Variants in NEK11 observed in about 807,000 individuals in gnomAD.
The protein encoded by NEK11 is NIMA related kinase 11.
A neutral mutation model predicts 80.7 loss-of-function variants in NEK11; 72 were observed. The ratio of observed to expected loss-of-function variants is 0.89; its 90% CI spans 0.74 to 1.08. NEK11 has a LOEUF of 1.08. Among genes scored for constraint, NEK11 ranks in the 50% least tolerant of loss-of-function variants. The pLI, the probability that NEK11 is intolerant of heterozygous loss-of-function variation, is 0.00. For missense variants in NEK11, 764 were observed against 763.6 expected (o/e 1.00, Z -0.01); for synonymous variants, 251 against 260.7 (o/e 0.96, Z 0.36).
intron 5 of NEK11, among the ~76,000 whole-genome samples, chr3:131,128,767 C>A (rs995955891): frequency 1.3e-5 from 2 of 152,138 alleles, no homozygotes; most frequent in East Asian, 3.8e-4. Flanking sequence ...TTTTGTATTC[C>A]CACTAGCAGC....
chr3:131,114,717 C>A (rs1049180071), intron 5 of NEK11, among the ~76,000 whole-genome samples: 2 of 152,168 alleles, frequency 1.3e-5, no homozygotes, highest in African/African-American at 4.8e-5. Context: ...TACTTGGGAA[C>A]AAGAATAAGT....
At chr3:131,030,643 G>A (rs6784576) in intron 3 of NEK11, among the ~76,000 whole-genome samples, 26,861 of 152,138 alleles carry the variant, frequency 0.18, 2,488 homozygotes, top group Non-Finnish European at 0.21. Context: ...TTCAAATTCC[G>A]TAGTCAGAAA....
At chr3:131,293,040 G>T (rs2096559620) in intron 17 of NEK11, among the ~76,000 whole-genome samples, 1 of 151,970 alleles carries the variant, frequency 6.6e-6, no homozygotes. Flanking sequence ...CACTGAAGGA[G>T]AACATTATTT....
intron 14 of NEK11, among the ~76,000 whole-genome samples, chr3:131,193,952 A>G (rs1033505381): frequency 6.6e-5 from 10 of 152,230 alleles, no homozygotes; most frequent in African/African-American, 2.4e-4. Context: ...GTTACTTGTC[A>G]ACTTTTCAAA....
At chr3:131,148,784 G>T (rs996634393) in intron 7 of NEK11, among the ~76,000 whole-genome samples, 3 of 151,496 alleles carry the variant, frequency 2.0e-5, no homozygotes, top group African/African-American at 7.3e-5. Flanking sequence ...AGGGCTTGGT[G>T]TACAGATTAT....
chr3:131,264,525 A>T (rs935200143), intron 16 of NEK11, among the ~76,000 whole-genome samples: 2 of 152,000 alleles, frequency 1.3e-5, no homozygotes, highest in East Asian at 3.9e-4. Flanking sequence ...ATGGTTGTAG[A>T]TGTGTGGTAT....
At chr3:131,029,411 A>G (rs1168457572) in intron 2 of NEK11, among the ~76,000 whole-genome samples, 1 of 152,234 alleles carries the variant, frequency 6.6e-6, no homozygotes, top group African/African-American at 2.4e-5. Flanking sequence ...GCCAAATTTC[A>G]ATGTACAAAG....
rs766819848 is a variant in NEK11, at chr3:131,349,624, C to A, written c.1786C>A (p.His596Asn). 9 of 1,614,038 alleles carry A rather than the reference C, an allele frequency of 5.6e-6. No individual in the cohort carries two copies. In the African/African-American group the frequency reaches 1.2e-4, roughly 22 times the overall value. ...CTATAATTACCTCAAGAGAGCAAGGCATCAGAATGCTAGCGAAGCAGAGAT... is the reference window on the plus strand; with the variant it reads ...CTATAATTACCTCAAGAGAGCAAGGAATCAGAATGCTAGCGAAGCAGAGAT... ...EVYNYLKRAR[H>N]QNASEAEIRE... Residue 596 changes from histidine (H) to asparagine (N), a missense_variant, in exon 18 of 18, where the codon CAT (histidine) becomes AAT (asparagine). Coordinates refer to ENST00000383366, the MANE Select transcript of NEK11 (RefSeq NM_024800.5).
rs796885435 is a variant in NEK11, at chr3:131,047,357, C to T, written c.170+17479C>T. 2.6e-4 allele frequency among the ~76,000 whole-genome samples: 39 copies of T among 152,162 alleles called. 1 individual carries two copies. The highest frequency in any genetic ancestry group is 8.2e-4 in the African/African-American group (34 of 41,508). On this transcript the variant is annotated intron_variant, in intron 3 of 17. Transcript: ENST00000383366. ...TTTGGGGGTGTTCACTTTGTTTTTT[C>T]GTATTACCAGGATTGTTTTTCTGGT...
At chr3:131,121,305 A>G (rs1353838459) in intron 5 of NEK11, among the ~76,000 whole-genome samples, 3 of 152,218 alleles carry the variant, frequency 2.0e-5, no homozygotes, top group Non-Finnish European at 4.4e-5. Context: ...AACAGCAAAC[A>G]TTGCAGAATG....
chr3:131,243,330 G>T, intron 15 of NEK11, 106 bp from the exon 16 acceptor site: 1 of 952,734 alleles, frequency 1.0e-6, no homozygotes, highest in Non-Finnish European at 1.6e-6. Flanking sequence ...AATAATTTTG[G>T]AACCAGATTT....
intron 11 of NEK11, among the ~76,000 whole-genome samples, chr3:131,163,602 A>C (rs2091898264): frequency 6.6e-6 from 1 of 152,120 alleles, no homozygotes; most frequent in Non-Finnish European, 1.5e-5. Flanking sequence ...TGAATGGGGA[A>C]ATGTTGTCAA....
intron 5 of NEK11, among the ~76,000 whole-genome samples, chr3:131,129,566 A>T (rs568843548): frequency 2.6e-5 from 4 of 152,124 alleles, no homozygotes; most frequent in Non-Finnish European, 5.9e-5. Context: ...ATTATTTTCT[A>T]GCAGTTTTAT....
intron 14 of NEK11, among the ~76,000 whole-genome samples, chr3:131,219,452 T>A (rs1445862331): frequency 6.6e-6 from 1 of 151,706 alleles, no homozygotes; most frequent in Non-Finnish European, 1.5e-5. Context: ...GGATGATGGG[T>A]TGATGGGTGC....
intron 5 of NEK11, among the ~76,000 whole-genome samples, chr3:131,121,674 C>T (rs1255663589): frequency 6.6e-6 from 1 of 152,188 alleles, no homozygotes; most frequent in African/African-American, 2.4e-5. Flanking sequence ...CCTACTCAAG[C>T]CTCAATAATG....
intron 3 of NEK11, among the ~76,000 whole-genome samples, chr3:131,036,034 C>T (rs750700063): frequency 3.0e-4 from 45 of 152,192 alleles, no homozygotes; most frequent in Admixed American, 3.9e-4. Context: ...GTAAAATAAT[C>T]TATAATCCTG....
At chr3:131,291,723 T>C (rs2096545334) in intron 17 of NEK11, among the ~76,000 whole-genome samples, 1 of 152,218 alleles carries the variant, frequency 6.6e-6, no homozygotes, top group South Asian at 2.1e-4. Context: ...TCTTTTCATA[T>C]GCTTACTTGC....
At chr3:131,336,609 T>A (rs1248506281) in intron 17 of NEK11, among the ~76,000 whole-genome samples, 1 of 152,082 alleles carries the variant, frequency 6.6e-6, no homozygotes, top group African/African-American at 2.4e-5. Flanking sequence ...AAAGCCAAAA[T>A]TGACAAATGG....
intron 3 of NEK11, among the ~76,000 whole-genome samples, chr3:131,060,373 C>A (rs1296752597): frequency 1.3e-5 from 2 of 152,140 alleles, no homozygotes; most frequent in Non-Finnish European, 2.9e-5. Flanking sequence ...GCTCTGGTTG[C>A]TTTTTTCATC....
Sources: gnomAD v4.1 joint callset for allele counts (sites outside exome capture counted in the v4.1 genomes callset) on GRCh38, gnomAD v4.1.1 for gene constraint, MANE v1.5 for transcripts, NCBI Gene and HGNC (gene_info 2026-07-23, HGNC 2026-07-21) for gene names.